CALN1: variants seen among roughly 807,000 people sequenced by gnomAD.
CALN1 encodes calneuron 1.
Under a neutral mutation model 30.6 loss-of-function variants are expected in CALN1, and 17 were observed. The observed-to-expected ratio is 0.56, with a 90% CI of 0.38 to 0.83. The LOEUF is 0.83. Among genes scored for constraint, CALN1 ranks in the 40% least tolerant of loss-of-function variants. CALN1 has a pLI of 0.00. For missense variants in CALN1, 291 were observed against 354.9 expected, an observed-to-expected ratio of 0.82 and a Z score of 1.45; for synonymous variants, 156 against 131.4, an observed-to-expected ratio of 1.19 and a Z score of -1.28.
the CALN1 span, among the ~76,000 whole-genome samples, chr7:72,456,863 TA>T: frequency 6.6e-6 from 1 of 151,930 alleles, no homozygotes; most frequent in Non-Finnish European, 1.5e-5. Flanking sequence ...TAAACATAAA[TA>T]AAAATATAAA....
At chr7:72,360,616 T>A (rs939643940) in intron 2 of CALN1, among the ~76,000 whole-genome samples, 4 of 149,556 alleles carry the variant, frequency 2.7e-5, no homozygotes, top group East Asian at 2.0e-4. Context: ...ATTTTTTTTT[T>A]ATTATACTTT....
At chr7:72,207,952 T>C (rs1015434796) in intron 3 of CALN1, among the ~76,000 whole-genome samples, 1 of 152,218 alleles carries the variant, frequency 6.6e-6, no homozygotes, top group African/African-American at 2.4e-5. Context: ...TTACAAAATC[T>C]CTGTGAAACT....
the CALN1 span, among the ~76,000 whole-genome samples, chr7:72,493,765 TGCTAGTGCAGGTG>T: frequency 6.6e-6 from 1 of 152,254 alleles, no homozygotes; most frequent in Admixed American, 6.5e-5. Context: ...GTTTTTAGTG[TGCTAGTGCAGGTG>T]GCATTGTGTT....
intron 5 of CALN1, among the ~76,000 whole-genome samples, chr7:71,829,679 C>T (rs1449953591): frequency 2.6e-5 from 4 of 152,158 alleles, no homozygotes; most frequent in Admixed American, 1.3e-4. Context: ...TGTGAATAGC[C>T]TCTAGAGTAA....
At chr7:72,463,556 C>T in the CALN1 span, among the ~76,000 whole-genome samples, 2 of 151,810 alleles carry the variant, frequency 1.3e-5, no homozygotes, top group Non-Finnish European at 2.9e-5. Flanking sequence ...GATCTGCCTA[C>T]TTTATTTTAT....
chr7:71,843,514 T>G (rs377636201), intron 5 of CALN1, among the ~76,000 whole-genome samples: 6 of 152,188 alleles, frequency 3.9e-5, no homozygotes, highest in African/African-American at 1.4e-4. Flanking sequence ...TCACAGCTAC[T>G]TGAAAGGCTG....
intron 3 of CALN1, among the ~76,000 whole-genome samples, chr7:72,197,747 C>G (rs1421747448): frequency 6.6e-6 from 1 of 151,952 alleles, no homozygotes; most frequent in East Asian, 1.9e-4. Context: ...TTTTTGCTAC[C>G]TGGGAGGCTG....
At chr7:72,373,403 TCTGA>T (rs1804365158) in intron 2 of CALN1, among the ~76,000 whole-genome samples, 1 of 152,244 alleles carries the variant, frequency 6.6e-6, no homozygotes, top group Admixed American at 6.5e-5. Context: ...ATTAAAATGG[TCTGA>T]CTTAGGATTT....
chr7:71,897,965 C>CAAAAAAAAAAAAAAAAA (rs1217388366), intron 5 of CALN1, among the ~76,000 whole-genome samples: 1 of 55,126 alleles, frequency 1.8e-5, no homozygotes, highest in Non-Finnish European at 3.6e-5. Flanking sequence ...TGGAAAAAAA[C>CAAAAAAAAAAAAAAAAA]AAAAAACAAA....
At chr7:72,208,616 A>C (rs1453494373) in intron 3 of CALN1, among the ~76,000 whole-genome samples, 1 of 152,208 alleles carries the variant, frequency 6.6e-6, no homozygotes, top group African/African-American at 2.4e-5. Context: ...GAATGCCTGG[A>C]GACTTTTATT....
chr7:71,981,635 C>T (rs1310827799), intron 5 of CALN1, among the ~76,000 whole-genome samples: 2 of 151,282 alleles, frequency 1.3e-5, no homozygotes, highest in African/African-American at 2.4e-5. Context: ...ACAGCTTGAG[C>T]GACAGAGCGA....
chr7:71,951,408 T>C (rs1562930341), intron 5 of CALN1, among the ~76,000 whole-genome samples: 1 of 152,120 alleles, frequency 6.6e-6, no homozygotes, highest in Non-Finnish European at 1.5e-5. Context: ...CTGGCCAACA[T>C]GGTGAAACCC....
At chr7:72,494,861 T>G in the CALN1 span, among the ~76,000 whole-genome samples, 16 of 146,998 alleles carry the variant, frequency 1.1e-4, no homozygotes, top group Non-Finnish European at 2.4e-4. Flanking sequence ...AGAAAGACCC[T>G]GTCTCAAAAA....
chr7:72,502,818 T>C, the CALN1 span, among the ~76,000 whole-genome samples: 4 of 152,132 alleles, frequency 2.6e-5, no homozygotes, highest in African/African-American at 9.7e-5. Context: ...GAGTTCATAA[T>C]TGTCTCATTT....
At chr7:72,032,383 G>A (rs550861133) in intron 4 of CALN1, among the ~76,000 whole-genome samples, 1 of 152,028 alleles carries the variant, frequency 6.6e-6, no homozygotes, top group South Asian at 2.1e-4. Flanking sequence ...TAGAGACAGG[G>A]TCTCACTATG....
chr7:72,396,904 T>C (rs1034872202), intron 2 of CALN1, among the ~76,000 whole-genome samples: 2 of 152,136 alleles, frequency 1.3e-5, no homozygotes, highest in East Asian at 3.9e-4. Flanking sequence ...TTAGTAGTAG[T>C]AGTAAAAGTA....
intron 2 of CALN1, chr7:72,337,470 G>T (rs774715807): frequency 7.2e-5 from 13 of 180,212 alleles, no homozygotes; most frequent in Non-Finnish European, 1.4e-4. Flanking sequence ...CACACAGGCA[G>T]ACACGCGGGG....
intron 3 of CALN1, among the ~76,000 whole-genome samples, chr7:72,179,651 T>C (rs2129545989): frequency 6.6e-6 from 1 of 152,294 alleles, no homozygotes. Flanking sequence ...TTGCTCAAAA[T>C]GACAGATAAC....
rs113152827 is a variant in CALN1 at position 72,311,722 on chromosome 7, C to A, written c.120-32912G>T. Among the ~76,000 whole-genome samples, 451 of 133,568 alleles carry A rather than the reference C, an allele frequency of 3.4e-3. 3 individuals carry two copies. The highest frequency in any genetic ancestry group is 0.012 in the African/African-American group (429 of 35,080). 87.6% of individuals were successfully genotyped at this position (133,568 alleles called of 152,430 possible). On this transcript the variant is annotated intron_variant, in intron 2 of 6. Coordinates refer to ENST00000395275, the MANE Select transcript of CALN1 (RefSeq NM_031468.4). ...ATGTTGCCCAGGCTGGTCTCGAACT[C>A]CTGAGCTCAAGCGATCCACCTGCCT...
Sources: gnomAD v4.1 joint callset for allele counts (sites outside exome capture counted in the v4.1 genomes callset) on GRCh38, gnomAD v4.1.1 for gene constraint, MANE v1.5 for transcripts, NCBI Gene and HGNC (gene_info 2026-07-23, HGNC 2026-07-21) for gene names.